Variants in SMARCA4 observed in about 807,000 individuals in gnomAD.
SMARCA4 encodes SWI/SNF-related matrix-associated actin-dependent regulator of chromatin subfamily A member 4.
SMARCA4 carries 31 observed loss-of-function variants against 193.9 expected under a neutral mutation model. That is an observed-to-expected ratio of 0.16 (90% CI 0.12 to 0.22). SMARCA4 has a LOEUF of 0.22. Among genes scored for constraint, SMARCA4 ranks in the 10% least tolerant of loss-of-function variants. SMARCA4 has a pLI of 1.00. For missense variants in SMARCA4, 1,148 were observed against 2,296.0 expected (o/e 0.50, Z 10.22); for synonymous variants, 942 against 933.1 (o/e 1.01, Z -0.17).
At chr19:10,973,714 C>T (rs1265004649) in intron 1 of SMARCA4, among the ~76,000 whole-genome samples, 6 of 151,958 alleles carry the variant, frequency 3.9e-5, no homozygotes, top group African/African-American at 1.2e-4. Flanking sequence ...GGACTACAGG[C>T]GCCTGCCACC....
chr19:11,047,480 C>T (rs2076010176), intron 30 of SMARCA4: 1 of 151,376 alleles, frequency 6.6e-6, no homozygotes, highest in Non-Finnish European at 1.5e-5. Context: ...ACTATCTTGG[C>T]TCACTGTAAC....
At chr19:10,996,098 C>A in intron 9 of SMARCA4, 115 bp from the exon 10 acceptor site, 1 of 1,005,606 alleles carries the variant, frequency 9.9e-7, no homozygotes, top group Non-Finnish European at 1.6e-6. Flanking sequence ...GCTGGTGGCA[C>A]GGCACCCGCG....
At chr19:11,012,874 ACT>A (rs2088986594) in intron 15 of SMARCA4, 73 bp from the exon 16 acceptor site, 2 of 1,424,354 alleles carry the variant, frequency 1.4e-6, no homozygotes, top group Non-Finnish European at 2.0e-6. Context: ...CGGTGTCTTG[ACT>A]CTCTGAAGTG....
chr19:11,044,711 CTTTG>C (rs1296446185), intron 30 of SMARCA4, among the ~76,000 whole-genome samples: 5 of 152,204 alleles, frequency 3.3e-5, no homozygotes, highest in East Asian at 1.9e-4. Context: ...TTCTGTTTTG[CTTTG>C]TTTGTTTTTA....
chr19:11,018,890 T>G (rs2089612816), intron 16 of SMARCA4, 67 bp from the exon 17 acceptor site: 5 of 1,345,862 alleles, frequency 3.7e-6, no homozygotes. Flanking sequence ...AGCCAGTGGC[T>G]ATGGGTTTGC....
chr19:11,014,827 A>AT (rs1424667647), intron 16 of SMARCA4, among the ~76,000 whole-genome samples: 2 of 150,052 alleles, frequency 1.3e-5, no homozygotes, highest in Non-Finnish European at 3.0e-5. Context: ...ATTTTTTTTT[A>AT]TTTTTTGAGG....
chr19:10,995,271 C>T (rs1434164930), intron 9 of SMARCA4: 15 of 605,720 alleles, frequency 2.5e-5, no homozygotes, highest in Admixed American at 2.3e-4. Context: ...CCCCTTCCCT[C>T]GTTCTGTGAG....
intron 13 of SMARCA4, among the ~76,000 whole-genome samples, chr19:11,006,587 C>T (rs899396854): frequency 2.0e-5 from 3 of 151,962 alleles, no homozygotes; most frequent in African/African-American, 7.3e-5. Context: ...CCCGTCTCTA[C>T]TAAAAAATAC....
intron 1 of SMARCA4, among the ~76,000 whole-genome samples, chr19:10,965,980 T>G (rs1258652122): frequency 7.2e-6 from 1 of 138,750 alleles, no homozygotes; most frequent in African/African-American, 2.7e-5. Flanking sequence ...GTTTTTTTTT[T>G]TTTTTTTTTT....
At chr19:10,980,694 C>T (rs566683728) in intron 1 of SMARCA4, 4 of 152,202 alleles carry the variant, frequency 2.6e-5, no homozygotes, top group African/African-American at 9.6e-5. Context: ...AGTGTATGCT[C>T]GTTGGCTTGT....
At chr19:11,015,074 A>G (rs1403209361) in intron 16 of SMARCA4, among the ~76,000 whole-genome samples, 2 of 152,030 alleles carry the variant, frequency 1.3e-5, no homozygotes. Flanking sequence ...TGGCCTCCCA[A>G]AGTGCTGGGA....
chr19:10,989,630 G>A (rs1433115753), intron 7 of SMARCA4, among the ~76,000 whole-genome samples, 187 bp downstream of exon 7: 3 of 152,054 alleles, frequency 2.0e-5, no homozygotes, highest in South Asian at 2.1e-4. Context: ...TGCTGGGGAC[G>A]TGGACCTCAC....
intron 30 of SMARCA4, among the ~76,000 whole-genome samples, chr19:11,046,020 A>G (rs564218694): frequency 6.6e-6 from 1 of 152,268 alleles, no homozygotes; most frequent in African/African-American, 2.4e-5. Context: ...CCAGGAGATC[A>G]AGACCATGCT....
chr19:11,048,993 C>T (rs146698372), intron 30 of SMARCA4, among the ~76,000 whole-genome samples: 321 of 152,300 alleles, frequency 2.1e-3, no homozygotes, highest in Non-Finnish European at 4.0e-3. Context: ...CAGTGACATG[C>T]CCCTCCTGCT....
intron 9 of SMARCA4, chr19:10,995,596 G>A (rs529316008): frequency 4.0e-5 from 17 of 427,108 alleles, no homozygotes; most frequent in African/African-American, 1.4e-4. Flanking sequence ...ATGCACAAAC[G>A]CAGAGACCCA....
intron 30 of SMARCA4, among the ~76,000 whole-genome samples, chr19:11,045,130 C>T (rs936056056): frequency 6.6e-6 from 1 of 152,142 alleles, no homozygotes; most frequent in Admixed American, 6.6e-5. Context: ...ACCATCCTGG[C>T]TAACATGGTG....
chr19:10,987,115 C>A lies in SMARCA4; in HGVS notation c.859+112C>A. On this transcript the variant is annotated intron_variant, in intron 5 of 34. Transcript: ENST00000344626. This position sits in a 1 kb window ranked among gnomAD's most constrained non-coding sequence, Gnocchi z 5.3. Reference sequence around the variant, plus strand: ...AAGGGCCGAGGGTGGTCAGGCTGAACTGCAGCCTGTACTTTTCTTGTGGTG... The same window carrying A: ...AAGGGCCGAGGGTGGTCAGGCTGAAATGCAGCCTGTACTTTTCTTGTGGTG... The A allele has an allele frequency of 2.6e-6, 2 of 772,164 alleles. No individual in the cohort carries two copies. Among genetic ancestry groups the A allele is most frequent in the Middle Eastern group, 3.1e-4 (1 of 3,234 alleles). 47.8% of individuals were successfully genotyped at this position (772,164 alleles called of 1,614,324 possible). A position where few individuals can be genotyped will look rare whatever the true frequency, so the allele number is the denominator to read the frequency against.
intron 14 of SMARCA4, among the ~76,000 whole-genome samples, chr19:11,008,934 A>T (rs2146207642): frequency 7.0e-6 from 1 of 141,924 alleles, no homozygotes. Context: ...AGATAGCGCC[A>T]CTGCACTCTA....
chr19:11,043,004 C>G (rs912854272), intron 30 of SMARCA4, among the ~76,000 whole-genome samples: 1 of 151,906 alleles, frequency 6.6e-6, no homozygotes, highest in Admixed American at 6.6e-5. Context: ...TAAAAAGGTT[C>G]TTTTAGCCAG....
Sources: allele counts gnomAD v4.1 joint callset (sites outside exome capture counted in the v4.1 genomes callset), GRCh38; gene constraint gnomAD v4.1.1; non-coding constraint Gnocchi (gnomAD v3.1); transcripts MANE v1.5; gene names NCBI Gene and HGNC (gene_info 2026-07-23, HGNC 2026-07-21).